POLN: variants seen among roughly 807,000 people sequenced by gnomAD.
The protein encoded by POLN is DNA polymerase N.
Under a neutral mutation model 113.5 loss-of-function variants are expected in POLN, and 108 were observed. That is an observed-to-expected ratio of 0.95 (90% CI 0.81 to 1.12). POLN has a LOEUF of 1.12. POLN is among the 50% of genes most tolerant of loss of function. The pLI is 0.00. For missense variants in POLN, 1,097 were observed against 1,077.1 expected (o/e 1.02, Z -0.26); for synonymous variants, 386 against 391.5 (o/e 0.99, Z 0.17).
chr4:2,073,121 C>T (rs956136314), intron 24 of POLN, 92 bp from the exon 25 acceptor site: 5 of 1,274,920 alleles, frequency 3.9e-6, no homozygotes, highest in Non-Finnish European at 5.6e-6. Flanking sequence ...CCGAGTCCTG[C>T]CCCGGCCCCT....
At chr4:2,081,175 C>T in intron 22 of POLN, 139 bp from the exon 23 acceptor site, 2 of 1,592,576 alleles carry the variant, frequency 1.3e-6, no homozygotes, top group East Asian at 2.2e-5. Flanking sequence ...GCCAGGGCCA[C>T]AGATGACTGC....
Position 2,229,109 on chromosome 4 carries a change from CTT to C in POLN, c.121_122del (p.Lys41GlufsTer14). The C allele has an allele frequency of 6.2e-7, 1 of 1,602,638 alleles. No homozygotes were observed. Among genetic ancestry groups the C allele is most frequent in the Non-Finnish European group, 8.5e-7 (1 of 1,173,338 alleles). On this transcript the variant is annotated frameshift_variant, in exon 3 of 26. Coordinates refer to ENST00000511885, the MANE Select transcript of POLN (RefSeq NM_181808.4). LOFTEE classifies it high-confidence loss of function. ...ATAAAAATTACTTACTCTCTGTACT[CTT>C]TCCCCAAGTCTTAGAATCCACTAAA... ...GDLVDSKTWG[K>X]STETMEVINK...
rs1730423547 is a variant in POLN, at chr4:2,081,671, G to A, written c.2270C>T (p.Ala757Val). The A allele has an allele frequency of 6.2e-7, 1 of 1,614,208 alleles. No individual in the cohort carries two copies. The highest frequency in any genetic ancestry group is 8.5e-7 in the Non-Finnish European group (1 of 1,180,042). ...GTTCACTGCCTGTCGCTCTGCTTGT[G>A]CCCGGAGTTGCTGGTCATGAGCGTG... Reference protein sequence around the residue: ...RIHAHDQQLRAQAERQAVNFV... With the variant: ...RIHAHDQQLRVQAERQAVNFV... The change falls in exon 22 of 26, where the codon GCA becomes GTA. Residue 757 changes from alanine to valine, a missense_variant. Physicochemically the swap from Ala to Val is moderately conservative, Grantham distance 64. Transcript: ENST00000511885.
intron 21 of POLN, among the ~76,000 whole-genome samples, chr4:2,083,612 C>T (rs1730481861): frequency 6.6e-6 from 1 of 152,256 alleles, no homozygotes; most frequent in African/African-American, 2.4e-5. Flanking sequence ...CCTGTTCATA[C>T]TCGAGGTGCC....
chr4:2,112,652 C>T (rs1271021552), intron 19 of POLN, among the ~76,000 whole-genome samples: 1 of 152,094 alleles, frequency 6.6e-6, no homozygotes. Flanking sequence ...TCATCACTGG[C>T]CATCAGAGAA....
At chr4:2,177,341 T>C in intron 8 of POLN, 1 of 466,086 alleles carries the variant, frequency 2.1e-6, no homozygotes, top group Admixed American at 2.3e-5. Flanking sequence ...CACCATGTTC[T>C]CTGAGAGTCT....
chr4:2,210,690 G>A (rs1037321435), intron 4 of POLN, among the ~76,000 whole-genome samples: 29 of 148,656 alleles, frequency 2.0e-4, no homozygotes, highest in African/African-American at 6.4e-4. Context: ...TGGGAGGCCC[G>A]GGCAGATGGA....
intron 2 of POLN, among the ~76,000 whole-genome samples, chr4:2,233,437 AT>A (rs146831054): frequency 1.3e-5 from 2 of 151,162 alleles, no homozygotes; most frequent in African/African-American, 2.4e-5. Context: ...TCTTGGATGC[AT>A]TTTTTTTTCA....
chr4:2,212,272 A>AT (rs1734011843), intron 4 of POLN, among the ~76,000 whole-genome samples: 1 of 152,200 alleles, frequency 6.6e-6, no homozygotes. Flanking sequence ...CCTTTCTGAA[A>AT]TTCTATTATT....
intron 3 of POLN, among the ~76,000 whole-genome samples, chr4:2,220,952 G>T (rs1287471031): frequency 6.6e-6 from 1 of 151,568 alleles, no homozygotes; most frequent in Non-Finnish European, 1.5e-5. Flanking sequence ...TGTTTTTTCT[G>T]TTTCTCCCTC....
At chr4:2,122,863 T>C (rs1185291595) in intron 19 of POLN, among the ~76,000 whole-genome samples, 1 of 152,140 alleles carries the variant, frequency 6.6e-6, no homozygotes, top group African/African-American at 2.4e-5. Context: ...CACAAAAACT[T>C]GCACACAGAC....
chr4:2,074,718 C>T (rs899750812), intron 24 of POLN, among the ~76,000 whole-genome samples: 7 of 152,098 alleles, frequency 4.6e-5, no homozygotes, highest in Non-Finnish European at 7.4e-5. Flanking sequence ...CTGACGCCCC[C>T]GTGCCTCTTC....
intron 5 of POLN, among the ~76,000 whole-genome samples, chr4:2,203,757 T>C (rs1276860842): frequency 6.6e-6 from 1 of 151,476 alleles, no homozygotes; most frequent in Non-Finnish European, 1.5e-5. Context: ...AGAAAGGAAA[T>C]GACCACGATC....
At chr4:2,079,687 C>T (rs1005267520) in intron 23 of POLN, 80 of 873,392 alleles carry the variant, frequency 9.2e-5, no homozygotes, top group African/African-American at 6.6e-4. Context: ...TGGGTTCAAG[C>T]GATCCTCCTG....
intron 16 of POLN, among the ~76,000 whole-genome samples, chr4:2,154,257 T>C (rs1009810539): frequency 6.2e-5 from 8 of 128,378 alleles, no homozygotes; most frequent in Admixed American, 2.2e-4. Flanking sequence ...AGAATATATA[T>C]CTTAAAAGTT....
chr4:2,115,868 C>T (rs898260818), intron 19 of POLN, among the ~76,000 whole-genome samples: 7 of 152,126 alleles, frequency 4.6e-5, no homozygotes, highest in Admixed American at 2.0e-4. Flanking sequence ...TCTGTGGGGT[C>T]CGGAGTCTAA....
At chr4:2,187,186 T>C (rs1397635739) in intron 7 of POLN, among the ~76,000 whole-genome samples, 1 of 152,208 alleles carries the variant, frequency 6.6e-6, no homozygotes, top group Non-Finnish European at 1.5e-5. Flanking sequence ...GAGCAAGGAA[T>C]AGAAAGCTTA....
chr4:2,090,370 G>A (rs977003576), intron 20 of POLN: 3 of 683,234 alleles, frequency 4.4e-6, no homozygotes, highest in African/African-American at 3.6e-5. Context: ...ATCAAGGCAT[G>A]AATAAAAACG....
intron 2 of POLN, chr4:2,238,911 T>C (rs760582783): frequency 6.2e-7 from 1 of 1,612,884 alleles, no homozygotes; most frequent in Middle Eastern, 1.7e-4. Flanking sequence ...ACTGGCATAT[T>C]CAATAACTGG....
Sources: allele counts gnomAD v4.1 joint callset (sites outside exome capture counted in the v4.1 genomes callset), GRCh38; gene constraint gnomAD v4.1.1; transcripts MANE v1.5; gene names NCBI Gene and HGNC (gene_info 2026-07-23, HGNC 2026-07-21).